Variants in MMRN2 observed in about 807,000 individuals in gnomAD.
MMRN2 encodes multimerin-2.
A neutral mutation model predicts 68.8 loss-of-function variants in MMRN2; 53 were observed. That is an observed-to-expected ratio of 0.77 (90% confidence interval 0.62 to 0.97). The LOEUF is 0.97. Ranked by LOEUF, MMRN2 falls within the 50% of genes least tolerant of loss-of-function variation. The pLI, the probability that MMRN2 is intolerant of heterozygous loss-of-function variation, is 0.00. For missense variants in MMRN2, 1,266 were observed against 1,259.5 expected (o/e 1.01, Z -0.08); for synonymous variants, 564 against 551.6 (o/e 1.02, Z -0.32).
rs762105803 is a variant in MMRN2, at chr10:86,943,672, G to C, written c.1112C>G (p.Ala371Gly). ...GTTCCTCTGCAGCTGGCCCAGCCTG[G>C]CCTGCAGGCTGTCCGGCTCAGGCCT... ...GARPEPDSLQARLGQLQRNLS... is the reference protein window; with the variant it reads ...GARPEPDSLQGRLGQLQRNLS... The change falls in exon 6 of 7, where the codon GCC becomes GGC. Residue 371 changes from alanine (A) to glycine (G), a missense_variant. Coordinates refer to ENST00000372027, the MANE Select transcript of MMRN2 (RefSeq NM_024756.3). This position sits in a 1 kb window ranked among gnomAD's most constrained non-coding sequence, Gnocchi z 4.2. 3.6e-5 allele frequency: 58 copies of C among 1,611,750 alleles called. 1 individual carries two copies. The Admixed American group carries it at 4.3e-4, about 12-fold the overall frequency.
intron 4 of MMRN2, 83 bp from the exon 5 acceptor site, chr10:86,944,518 G>T: frequency 1.3e-6 from 2 of 1,496,990 alleles, no homozygotes; most frequent in Non-Finnish European, 1.8e-6. Context: ...GAGAGTTGAA[G>T]GCTGAGAGCA....
chr10:86,957,358 C>G lies in MMRN2; in HGVS notation c.164+20G>C. 1 of 1,612,008 alleles carries G rather than the reference C, an allele frequency of 6.2e-7. No homozygotes were observed. The highest frequency in any genetic ancestry group is 8.5e-7 in the Non-Finnish European group (1 of 1,179,448). The stretch of plus-strand genomic sequence containing the variant: ...TCAGATCCTACTCCATGACCTCTGC[C>G]AAGGTCCAGGCCCTCTTACCGTCCT... On this transcript the variant is annotated intron_variant, in intron 1 of 6. Coordinates refer to ENST00000372027, the MANE Select transcript of MMRN2 (RefSeq NM_024756.3).
intron 1 of MMRN2, among the ~76,000 whole-genome samples, chr10:86,946,991 G>A (rs868560643): frequency 7.9e-5 from 12 of 152,176 alleles, no homozygotes; most frequent in African/African-American, 1.9e-4. Context: ...AAGGAGGCTG[G>A]GATGAAGGGA....
intron 4 of MMRN2, among the ~76,000 whole-genome samples, chr10:86,944,774 C>A (rs1309796346): frequency 6.6e-6 from 1 of 152,192 alleles, no homozygotes; most frequent in Non-Finnish European, 1.5e-5. Context: ...TTGGGCCCAG[C>A]CTTAAAGGGC....
At chr10:86,945,942 A>T in intron 1 of MMRN2, 1 of 932,428 alleles carries the variant, frequency 1.1e-6, no homozygotes, top group South Asian at 1.8e-5. Flanking sequence ...GAGGCTGAGA[A>T]ACCCACCACA....
chr10:86,937,171 T>C (rs143168330), intron 6 of MMRN2, 46 bp from the exon 7 acceptor site: 473 of 1,591,078 alleles, frequency 3.0e-4, no homozygotes, highest in Admixed American at 5.3e-4. Context: ...CCTTACACCA[T>C]TGGGTGGGAA....
chr10:86,936,584 T>C lies in MMRN2; in HGVS notation c.*159A>G, dbSNP rs530221483. 2 of 803,064 alleles carry C rather than the reference T, an allele frequency of 2.5e-6. No homozygotes were observed. The highest frequency in any genetic ancestry group is 3.4e-5 in the South Asian group (2 of 59,370). 49.7% of individuals were successfully genotyped at this position (803,064 alleles called of 1,614,324 possible). ...ATCATGGAGAAATGGCCAAGCCCCA[T>C]GTGGTTACAGGGAAGCCACGTACAC... is the stretch of plus-strand genomic sequence containing the variant. On this transcript the variant is annotated 3_prime_UTR_variant, in exon 7 of 7. Coordinates refer to ENST00000372027, the MANE Select transcript of MMRN2 (RefSeq NM_024756.3).
chr10:86,945,522 C>T (rs1844053496), intron 2 of MMRN2, 39 bp downstream of exon 2: 1 of 1,563,452 alleles, frequency 6.4e-7, no homozygotes. Flanking sequence ...GGAGGGCCCG[C>T]TCCAGGCCTG....
In MMRN2 at chr10:86,942,396, C is replaced by A; in HGVS notation, c.2388G>T (p.Lys796Asn). 6.2e-7 allele frequency: 1 copy of A among 1,614,238 alleles called. No individual in the cohort carries two copies. ...TGTCCACCAAAGGCTCCGCTTCCTT[C>A]TTGTCCCTCTTCCGGGGAGCTTCCA... ...KDLEAPRKRDKKEAEPLVDIR... is the reference protein window; with the variant it reads ...KDLEAPRKRDNKEAEPLVDIR... Residue 796 changes from lysine to asparagine, a missense_variant, in exon 6 of 7, where the codon AAG becomes AAT. Physicochemically the swap from Lys to Asn is moderately conservative, Grantham distance 94. Coordinates refer to ENST00000372027, the MANE Select transcript of MMRN2 (RefSeq NM_024756.3).
At position 86,936,213 on chromosome 10, in the gene MMRN2, T is replaced by C. The variant is rs1244652022; in HGVS notation, c.*530A>G. On this transcript the variant is annotated 3_prime_UTR_variant, in exon 7 of 7. Coordinates refer to ENST00000372027, the MANE Select transcript of MMRN2 (RefSeq NM_024756.3). ...TTTCCCTTGGTTGGCCAGGCTGTCG[T>C]CTTCATTACTGACTAATAGAGACCA... is the stretch of plus-strand genomic sequence containing the variant. 5.0e-6 allele frequency: 2 copies of C among 396,142 alleles called. No individual in the cohort carries two copies. Among genetic ancestry groups the C allele is most frequent in the African/African-American group, 2.1e-5 (1 of 48,580 alleles). The allele number at this position is 396,142 out of a possible 1,614,324, so 24.5% of individuals were successfully genotyped here.
In MMRN2 at chr10:86,935,699, T is replaced by C. The variant is rs1033043914; in HGVS notation, c.*1044A>G. 2.6e-5 allele frequency: 4 copies of C among 152,256 alleles called. No homozygotes were observed. Among genetic ancestry groups the C allele is most frequent in the African/African-American group, 9.6e-5 (4 of 41,456 alleles). The allele number at this position is 152,256 out of a possible 1,614,324, so 9.4% of individuals were successfully genotyped here. On this transcript the variant is annotated 3_prime_UTR_variant, in exon 7 of 7. Transcript: ENST00000372027. ...AAGTAAAAAAGTTGAAGGCCCTACATATTTTAGTTCACGTTTGGCATTTCT... is the reference window on the plus strand; with the variant it reads ...AAGTAAAAAAGTTGAAGGCCCTACACATTTTAGTTCACGTTTGGCATTTCT...
At chr10:86,940,430 G>A (rs987274082) in intron 6 of MMRN2, among the ~76,000 whole-genome samples, 1 of 152,318 alleles carries the variant, frequency 6.6e-6, no homozygotes, top group South Asian at 2.1e-4. Context: ...CACCACGCAC[G>A]AGAGGAAACA....
intron 6 of MMRN2, among the ~76,000 whole-genome samples, chr10:86,938,913 A>G (rs1031075509): frequency 6.6e-6 from 1 of 152,264 alleles, no homozygotes; most frequent in Non-Finnish European, 1.5e-5. Flanking sequence ...CTGTAATCCC[A>G]GCACTTTGGG....
Position 86,944,334 on chromosome 10 carries a change from G to C in MMRN2, c.583C>G (p.Leu195Val). The C allele has an allele frequency of 6.2e-7, 1 of 1,613,976 alleles. No individual in the cohort carries two copies. The highest frequency in any genetic ancestry group is 8.5e-7 in the Non-Finnish European group (1 of 1,180,000). Residue 195 changes from leucine to valine, a missense_variant, in exon 5 of 7, where the codon CTG becomes GTG. Leu to Val is a conservative substitution (Grantham distance 32). Transcript: ENST00000372027. ...QNDVHRVADSLPGLWKALPGN... is the reference protein window; with the variant it reads ...QNDVHRVADSVPGLWKALPGN... ...GGCAGGGCTTTCCACAGGCCTGGCA[G>C]GCTGTCTGCCACCCGGTGCACATCA...
chr10:86,947,406 C>T (rs1048796063), intron 1 of MMRN2, among the ~76,000 whole-genome samples: 1 of 151,708 alleles, frequency 6.6e-6, no homozygotes, highest in Admixed American at 6.6e-5. Context: ...CTCGCACTGT[C>T]GCTTGGGCTG....
At position 86,957,510 on chromosome 10, in the gene MMRN2, C is replaced by G. The variant is rs1344455602; in HGVS notation, c.32G>C (p.Gly11Ala). 5 of 1,612,274 alleles carry G rather than the reference C, an allele frequency of 3.1e-6. No homozygotes were observed. The highest frequency in any genetic ancestry group is 4.2e-6 in the Non-Finnish European group (5 of 1,179,836). The change falls in exon 1 of 7, where the codon GGC becomes GCC. Residue 11 changes from glycine (G) to alanine (A), a missense_variant. Coordinates refer to ENST00000372027, the MANE Select transcript of MMRN2 (RefSeq NM_024756.3). The part of the protein sequence containing the change: MILSLLFSLG[G>A]PLGWGLLGAW... ...CCCCAGCAGCCCCCAGCCCAGGGGG[C>G]CCCCAAGGCTGAACAGCAAGCTCAG...
In MMRN2 at chr10:86,943,479, C is replaced by T. The variant is rs1844012968; in HGVS notation, c.1305G>A (p.Glu435=). The T allele has an allele frequency of 6.2e-7, 1 of 1,614,196 alleles. No individual in the cohort carries two copies. ...GGAGCGCCGTGTGGTTCACCTGCAG[C>T]TCCTCCACCTGCCGCTCCACCTTGC... is the stretch of plus-strand genomic sequence containing the variant. The part of the protein sequence containing the change: ...QISKVERQVE[E]LQVNHTALRE... Residue 435 remains glutamate (E), a synonymous_variant, in exon 6 of 7, where the codon GAG becomes GAA. Transcript: ENST00000372027. This position sits in a 1 kb window ranked among gnomAD's most constrained non-coding sequence, Gnocchi z 4.2.
Position 86,943,771 on chromosome 10 carries a change from T to C in MMRN2, c.1013A>G (p.Lys338Arg), listed in dbSNP as rs754481215. Residue 338 changes from lysine (K) to arginine (R), a missense_variant, in exon 6 of 7, where the codon AAG becomes AGG. Coordinates refer to ENST00000372027, the MANE Select transcript of MMRN2 (RefSeq NM_024756.3). This position sits in a 1 kb window ranked among gnomAD's most constrained non-coding sequence, Gnocchi z 4.2. The part of the protein sequence containing the change: ...ELQADVDTKL[K>R]RLHKAQEAPG... ...GGCCTCCTGAGCCTTGTGCAGCCTC[T>C]TCAATTTGGTGTCCACATCGGCTTG... 42 of 1,608,482 alleles carry C rather than the reference T, an allele frequency of 2.6e-5. No homozygotes were observed. The highest frequency in any genetic ancestry group is 4.2e-6 in the Non-Finnish European group (5 of 1,179,904).
chr10:86,951,108 G>A (rs1210985882), intron 1 of MMRN2, among the ~76,000 whole-genome samples: 1 of 152,106 alleles, frequency 6.6e-6, no homozygotes, highest in Non-Finnish European at 1.5e-5. Flanking sequence ...AAAAGATAAT[G>A]CTACCTCCTA....
Sources: allele counts gnomAD v4.1 joint callset (sites outside exome capture counted in the v4.1 genomes callset), GRCh38; gene constraint gnomAD v4.1.1; non-coding constraint Gnocchi (gnomAD v3.1); transcripts MANE v1.5; gene names NCBI Gene and HGNC (gene_info 2026-07-23, HGNC 2026-07-21).